The following PCDHA11 variants were observed in gnomAD, a reference collection of about 807,000 sequenced individuals.
PCDHA11 encodes the protein protocadherin alpha-11.
Under a neutral mutation model 70.3 loss-of-function variants are expected in PCDHA11, and 61 were observed. The observed-to-expected ratio is 0.87, with a 90% CI of 0.71 to 1.07. The LOEUF is 1.07. Among genes scored for constraint, PCDHA11 ranks in the 50% least tolerant of loss-of-function variants. The pLI is 0.00. For missense variants in PCDHA11, 1,324 were observed against 1,237.5 expected (o/e 1.07, Z -1.05); for synonymous variants, 633 against 555.1 (o/e 1.14, Z -1.97).
chr5:140,970,774 A>G (rs1554232727), intron 1 of PCDHA11, among the ~76,000 whole-genome samples: 2 of 152,218 alleles, frequency 1.3e-5, no homozygotes, highest in Admixed American at 1.3e-4. Context: ...TGCTGTACAT[A>G]CATATTGTAT....
chr5:140,985,650 A>G (rs2097162504), intron 3 of PCDHA11, among the ~76,000 whole-genome samples: 2 of 151,684 alleles, frequency 1.3e-5, no homozygotes, highest in South Asian at 4.2e-4. Context: ...AACACTTGCA[A>G]TGGCTGAATA....
chr5:140,881,350 T>C, intron 1 of PCDHA11: 1 of 985,354 alleles, frequency 1.0e-6, no homozygotes, highest in Non-Finnish European at 1.2e-6. Flanking sequence ...CGGGCTACAA[T>C]GCGTGGCTTT....
At position 140,982,483 on chromosome 5, in the gene PCDHA11, A is replaced by C. The variant is rs1554244276; in HGVS notation, c.2459A>C (p.His820Pro). 1.2e-5 allele frequency: 20 copies of C among 1,614,142 alleles called. No homozygotes were observed. In the South Asian group the frequency reaches 1.9e-4, roughly 15 times the overall value. The stretch of plus-strand genomic sequence containing the variant: ...TCTGTGTGTTTATTCAGCTCTGTGC[A>C]CCTAGAGGAGGCTGGCATTCTACGG... ...SLRAGMHSSV[H>P]LEEAGILRAG... The change falls in exon 3 of 4, where the codon CAC becomes CCC. Residue 820 changes from histidine to proline, a missense_variant. By Grantham distance (77) the His-to-Pro change is moderately conservative. Coordinates refer to ENST00000398640, the MANE Select transcript of PCDHA11 (RefSeq NM_018902.5).
intron 1 of PCDHA11, among the ~76,000 whole-genome samples, chr5:140,964,199 A>G (rs1183847716): frequency 1.3e-5 from 2 of 152,240 alleles, no homozygotes; most frequent in Non-Finnish European, 2.9e-5. Flanking sequence ...AGAGTATACC[A>G]TCTCTTTAGT....
rs183321523 is a variant in PCDHA11 at position 140,948,382 on chromosome 5, A to G, written c.2392-30567A>G. Among the ~76,000 whole-genome samples the G allele has an allele frequency of 1.2e-3, 182 of 151,516 alleles. 1 individual carries two copies. Among genetic ancestry groups the G allele is most frequent in the African/African-American group, 3.9e-3 (163 of 41,496 alleles). ...TGACTTAGGAGGTGTTCCTTCCTCT[A>G]TTTTCTGAAAGGTTGTGTAATATTG... On this transcript the variant is annotated intron_variant, in intron 1 of 3. Coordinates refer to ENST00000398640, the MANE Select transcript of PCDHA11 (RefSeq NM_018902.5).
chr5:141,009,062 A>G (rs1466818539), intron 3 of PCDHA11, among the ~76,000 whole-genome samples: 1 of 152,240 alleles, frequency 6.6e-6, no homozygotes, highest in East Asian at 1.9e-4. Context: ...TCACAACTGT[A>G]TTCTTTAGGA....
intron 3 of PCDHA11, among the ~76,000 whole-genome samples, chr5:140,991,325 G>C (rs899183687): frequency 3.3e-5 from 5 of 152,184 alleles, no homozygotes; most frequent in Non-Finnish European, 5.9e-5. Flanking sequence ...GATACATGAA[G>C]GGAATAGCTT....
At chr5:140,903,616 T>C (rs1053634742) in intron 1 of PCDHA11, among the ~76,000 whole-genome samples, 72 of 152,338 alleles carry the variant, frequency 4.7e-4, no homozygotes, top group African/African-American at 1.7e-3. Context: ...CACATGAATG[T>C]GCATGCATAT....
intron 3 of PCDHA11, among the ~76,000 whole-genome samples, chr5:140,997,279 A>G (rs1386656925): frequency 6.6e-6 from 1 of 152,166 alleles, no homozygotes; most frequent in Non-Finnish European, 1.5e-5. Flanking sequence ...TTCTTGCATC[A>G]CTTAACAATG....
intron 1 of PCDHA11, among the ~76,000 whole-genome samples, chr5:140,971,016 A>G (rs1554232958): frequency 6.6e-6 from 1 of 152,208 alleles, no homozygotes; most frequent in African/African-American, 2.4e-5. Flanking sequence ...AAGTCTTTAG[A>G]TCGTAGCATT....
At chr5:141,003,178 A>C (rs2098114996) in intron 3 of PCDHA11, among the ~76,000 whole-genome samples, 1 of 152,180 alleles carries the variant, frequency 6.6e-6, no homozygotes, top group East Asian at 1.9e-4. Context: ...CTGAGGCTCA[A>C]CTCCATCAAC....
At position 140,947,028 on chromosome 5, in the gene PCDHA11, T is replaced by C. The variant is rs111523441; in HGVS notation, c.2392-31921T>C. Among the ~76,000 whole-genome samples the C allele has an allele frequency of 4.6e-3, 693 of 151,852 alleles. 1 individual carries two copies. Among genetic ancestry groups the C allele is most frequent in the Middle Eastern group, 6.8e-3 (2 of 294 alleles). ...AATGATAAATGTTTGAGGTAATGGA[T>C]ATACTAATTACCCTGATTTGATCAT... On this transcript the variant is annotated intron_variant, in intron 1 of 3. Transcript: ENST00000398640.
intron 1 of PCDHA11, among the ~76,000 whole-genome samples, chr5:140,948,886 T>C (rs892848820): frequency 6.6e-6 from 1 of 151,684 alleles, no homozygotes; most frequent in Non-Finnish European, 1.5e-5. Context: ...TGCTCTCTTT[T>C]AGATTTTAAG....
At chr5:140,882,481 C>A in intron 1 of PCDHA11, 1 of 1,614,038 alleles carries the variant, frequency 6.2e-7, no homozygotes, top group Non-Finnish European at 8.5e-7. Flanking sequence ...CCAAAAGACA[C>A]GGGGACCTTC....
intron 1 of PCDHA11, among the ~76,000 whole-genome samples, chr5:140,931,650 T>C (rs2087656696): frequency 6.6e-6 from 1 of 152,016 alleles, no homozygotes; most frequent in South Asian, 2.1e-4. Flanking sequence ...CTAATAATTG[T>C]TGTGGGCTGG....
intron 1 of PCDHA11, among the ~76,000 whole-genome samples, chr5:140,943,311 T>C (rs1281237979): frequency 1.3e-5 from 2 of 150,340 alleles, no homozygotes. Flanking sequence ...AAGTCATTAT[T>C]AGCAATATTG....
chr5:140,956,904 G>A lies in PCDHA11; in HGVS notation c.2392-22045G>A, dbSNP rs182022057. ...TATCAATGAATGAATATTCTTAAAT[G>A]TATAAACTTTAATCTTGCTGGATAT... On this transcript the variant is annotated intron_variant, in intron 1 of 3. Transcript: ENST00000398640. Among the ~76,000 whole-genome samples, 178 of 152,232 alleles carry A rather than the reference G, an allele frequency of 1.2e-3. 1 individual carries two copies. Among genetic ancestry groups the A allele is most frequent in the African/African-American group, 3.9e-3 (163 of 41,538 alleles).
chr5:140,997,664 C>A (rs2097778003), intron 3 of PCDHA11, among the ~76,000 whole-genome samples: 1 of 142,906 alleles, frequency 7.0e-6, no homozygotes, highest in African/African-American at 2.5e-5. Context: ...TATTATTATA[C>A]AGCTTGTGTG....
At chr5:140,988,253 C>A (rs982953260) in intron 3 of PCDHA11, among the ~76,000 whole-genome samples, 1 of 152,188 alleles carries the variant, frequency 6.6e-6, no homozygotes, top group Non-Finnish European at 1.5e-5. Context: ...CAGCTCCCGC[C>A]TGTGAGTATC....
Sources: allele counts gnomAD v4.1 joint callset (sites outside exome capture counted in the v4.1 genomes callset), GRCh38; gene constraint gnomAD v4.1.1; transcripts MANE v1.5; gene names NCBI Gene and HGNC (gene_info 2026-07-23, HGNC 2026-07-21).